The following PTPRD variants were observed in gnomAD, a reference collection of about 807,000 sequenced individuals.
PTPRD encodes protein tyrosine phosphatase receptor type D.
Under a neutral mutation model 214.5 loss-of-function variants are expected in PTPRD, and 34 were observed. The observed-to-expected ratio is 0.16, with a 90% confidence interval of 0.12 to 0.21. The LOEUF (loss-of-function observed/expected upper bound fraction) is 0.21, where lower values mean the gene tolerates loss of function less well. PTPRD is among the 10% of genes least tolerant of loss of function. PTPRD has a pLI of 1.00. For missense variants in PTPRD, 2,545 were observed against 2,398.7 expected (o/e 1.06, Z -1.27); for synonymous variants, 1,128 against 845.7 (o/e 1.33, Z -5.79).
chr9:9,819,594 C>T (rs959431691), intron 5 of PTPRD, among the ~76,000 whole-genome samples: 5 of 152,018 alleles, frequency 3.3e-5, no homozygotes, highest in Admixed American at 6.6e-5. Flanking sequence ...GATTGGGGTA[C>T]GAATGATCCT....
chr9:8,512,604 T>C (rs771295719), intron 21 of PTPRD, among the ~76,000 whole-genome samples: 4 of 152,138 alleles, frequency 2.6e-5, no homozygotes, highest in Admixed American at 6.5e-5. Flanking sequence ...GAATTTGTAA[T>C]AGCATTAACA....
chr9:10,229,048 T>C (rs913742529), intron 3 of PTPRD, among the ~76,000 whole-genome samples: 4 of 151,956 alleles, frequency 2.6e-5, no homozygotes, highest in African/African-American at 9.7e-5. Flanking sequence ...CAACCAGTTG[T>C]AAGCAATGAC....
At chr9:10,119,209 T>C (rs1441508956) in intron 3 of PTPRD, among the ~76,000 whole-genome samples, 1 of 151,966 alleles carries the variant, frequency 6.6e-6, no homozygotes, top group African/African-American at 2.4e-5. Context: ...CCCCCTTTTT[T>C]AACTATTACA....
intron 7 of PTPRD, among the ~76,000 whole-genome samples, chr9:9,696,105 A>G (rs1156758696): frequency 6.6e-6 from 1 of 152,080 alleles, no homozygotes; most frequent in African/African-American, 2.4e-5. Context: ...CTATTTCTTC[A>G]AGATTCATCC....
In PTPRD at chr9:9,307,951, C is replaced by G. The variant is rs80214519; in HGVS notation, c.-203+89498G>C. Among the ~76,000 whole-genome samples the G allele has an allele frequency of 3.6e-3, 553 of 152,224 alleles. 6 individuals are homozygous for G. Among genetic ancestry groups the G allele is most frequent in the African/African-American group, 0.013 (535 of 41,544 alleles). On this transcript the variant is annotated intron_variant, in intron 9 of 45. Coordinates refer to ENST00000381196, the MANE Select transcript of PTPRD (RefSeq NM_002839.4). Reference sequence around the variant, plus strand: ...CTTATGCTTGGGATAACCCTCCCCACGCTGTGTAATAGCAGACAAGCTATC... The same window carrying G: ...CTTATGCTTGGGATAACCCTCCCCAGGCTGTGTAATAGCAGACAAGCTATC...
intron 15 of PTPRD, among the ~76,000 whole-genome samples, chr9:8,527,716 A>C (rs2074571290): frequency 1.3e-5 from 2 of 152,150 alleles, no homozygotes; most frequent in Admixed American, 1.3e-4. Context: ...CTAAAACTTA[A>C]GAAATTTAGA....
At chr9:9,138,374 T>G (rs1395661791) in intron 10 of PTPRD, among the ~76,000 whole-genome samples, 1 of 152,180 alleles carries the variant, frequency 6.6e-6, no homozygotes, top group Non-Finnish European at 1.5e-5. Context: ...ATGACTGTTA[T>G]GTACAATTAT....
Position 9,989,262 on chromosome 9 carries a change from G to A in PTPRD, c.-472+44456C>T, listed in dbSNP as rs534492918. Among the ~76,000 whole-genome samples, 13 of 152,128 alleles carry A rather than the reference G, an allele frequency of 8.5e-5. No homozygotes were observed. The East Asian group carries it at 1.9e-3, about 23-fold the overall frequency. ...GGTCCATCCTCAAGTCTGGACCCAC[G>A]GCCTTAAATGAGAGCATGCATTCCT... On this transcript the variant is annotated intron_variant, in intron 4 of 45. Coordinates refer to ENST00000381196, the MANE Select transcript of PTPRD (RefSeq NM_002839.4).
rs557210362 is a variant in PTPRD at position 9,469,554 on chromosome 9, T to TA, written c.-236-72073dup. Among the ~76,000 whole-genome samples the TA allele has an allele frequency of 2.2e-4, 33 of 152,210 alleles. No individual in the cohort carries two copies. The East Asian group carries it at 6.4e-3, about 29-fold the overall frequency. ...TCCTATTTCAAATAATAATGTGCAA[T>TA]AAAAAAGACCACATGATTAACTGAT... On this transcript the variant is annotated intron_variant, in intron 8 of 45. Transcript: ENST00000381196.
intron 6 of PTPRD, among the ~76,000 whole-genome samples, chr9:9,741,908 A>G (rs930787611): frequency 6.6e-6 from 1 of 152,216 alleles, no homozygotes; most frequent in South Asian, 2.1e-4. Context: ...CAGTGCTGCA[A>G]TAAACATACA....
At chr9:9,636,037 A>G (rs10491607) in intron 7 of PTPRD, among the ~76,000 whole-genome samples, 2,575 of 152,284 alleles carry the variant, frequency 0.017, 73 homozygotes, top group African/African-American at 0.059. Context: ...ATCTAAATGC[A>G]AAGACCCATC....
chr9:8,451,998 C>A, intron 33 of PTPRD: 1 of 341,854 alleles, frequency 2.9e-6, no homozygotes, highest in Non-Finnish European at 5.7e-6. Flanking sequence ...AGTAATTTAG[C>A]CCATTTCTCT....
chr9:8,340,263 C>G (rs200078631), intron 42 of PTPRD, 80 bp downstream of exon 42: 456 of 1,448,990 alleles, frequency 3.1e-4, no homozygotes, highest in Non-Finnish European at 3.9e-4. Context: ...TGATCTAGCA[C>G]AAGAGTTATT....
At chr9:8,938,560 G>A (rs1167374719) in intron 11 of PTPRD, among the ~76,000 whole-genome samples, 2 of 152,048 alleles carry the variant, frequency 1.3e-5, no homozygotes, top group Non-Finnish European at 2.9e-5. Flanking sequence ...AGCACATAGA[G>A]TATTTAGGTT....
intron 3 of PTPRD, among the ~76,000 whole-genome samples, chr9:10,058,312 G>A (rs2097696715): frequency 6.6e-6 from 1 of 152,002 alleles, no homozygotes; most frequent in African/African-American, 2.4e-5. Context: ...CAACCCATAT[G>A]TTATAGTTTA....
chr9:8,944,486 G>A (rs1180387977), intron 11 of PTPRD, among the ~76,000 whole-genome samples: 1 of 152,044 alleles, frequency 6.6e-6, no homozygotes, highest in African/African-American at 2.4e-5. Context: ...AAATATCCAA[G>A]ATTTGGAAGC....
chr9:10,135,943 TAA>T (rs3075566), intron 3 of PTPRD, among the ~76,000 whole-genome samples: 16,137 of 142,054 alleles, frequency 0.11, 1,092 homozygotes, highest in South Asian at 0.27. Flanking sequence ...TAAGTTGAAT[TAA>T]AAAAAAAAAA....
chr9:8,629,523 C>A (rs1564830269), intron 14 of PTPRD, among the ~76,000 whole-genome samples: 1 of 151,804 alleles, frequency 6.6e-6, no homozygotes, highest in Non-Finnish European at 1.5e-5. Flanking sequence ...TGGTCCTATG[C>A]TTGCTCTTCA....
chr9:9,049,127 T>A (rs2099679566), intron 10 of PTPRD, among the ~76,000 whole-genome samples: 2 of 152,188 alleles, frequency 1.3e-5, no homozygotes, highest in South Asian at 4.1e-4. Flanking sequence ...CATTTTAAGT[T>A]TTTTGCTTCC....
Sources: gnomAD v4.1 joint callset for allele counts (sites outside exome capture counted in the v4.1 genomes callset) on GRCh38, gnomAD v4.1.1 for gene constraint, MANE v1.5 for transcripts, NCBI Gene and HGNC (gene_info 2026-07-23, HGNC 2026-07-21) for gene names.